RSRP1: variants seen among roughly 807,000 people sequenced by gnomAD.
RSRP1 encodes the protein arginine/serine-rich protein 1.
A neutral mutation model predicts 33.0 loss-of-function variants in RSRP1; 37 were observed. The ratio of observed to expected loss-of-function variants is 1.12; its 90% CI spans 0.86 to 1.48. The LOEUF (loss-of-function observed/expected upper bound fraction) is 1.48, where lower values mean the gene tolerates loss of function less well. Ranked by LOEUF, RSRP1 falls within the 40% of genes most tolerant of loss-of-function variation. RSRP1 has a pLI of 0.00. For missense variants in RSRP1, 402 were observed against 385.3 expected, an observed-to-expected ratio of 1.04 and a Z score of -0.36; for synonymous variants, 167 against 158.7, an observed-to-expected ratio of 1.05 and a Z score of -0.40.
chr1:25,300,678 G>T lies in RSRP1; in HGVS notation c.-67+37300C>A, dbSNP rs1237739857. 1.5e-5 allele frequency among the ~76,000 whole-genome samples: 2 copies of T among 130,916 alleles called. 1 individual carries two copies. The highest frequency in any genetic ancestry group is 3.6e-5 in the Non-Finnish European group (2 of 55,490). 85.9% of individuals were successfully genotyped at this position (130,916 alleles called of 152,430 possible). On this transcript the variant is annotated intron_variant, in intron 1 of 1. Transcript: ENST00000561867. ...TACAAAATTAGCCCAGCGTAGTGGC[G>T]CATGCCTGTAATCCCAGCTACTAGG...
chr1:25,315,741 C>A (rs1187821286), intron 1 of RSRP1, among the ~76,000 whole-genome samples: 1 of 129,954 alleles, frequency 7.7e-6, no homozygotes, highest in African/African-American at 2.7e-5. Context: ...CATGATCTGC[C>A]CGCCTCGGCC....
At position 25,321,961 on chromosome 1, in the gene RSRP1, A is replaced by T. The variant is rs375471538; in HGVS notation, c.-67+16017T>A. ...TATTTTGATGACCAAGTTTTCTGGAAGGTAAGATTTTTCACCTATTAACGT... is the reference window on the plus strand; with the variant it reads ...TATTTTGATGACCAAGTTTTCTGGATGGTAAGATTTTTCACCTATTAACGT... On this transcript the variant is annotated intron_variant, in intron 1 of 1. Coordinates refer to the RSRP1 transcript ENST00000561867. 36 of 1,303,766 alleles carry T rather than the reference A, an allele frequency of 2.8e-5. 11 individuals carry two copies. Among genetic ancestry groups the T allele is most frequent in the Non-Finnish European group, 4.0e-5 (36 of 910,968 alleles). The allele number at this position is 1,303,766 out of a possible 1,614,324, so 80.8% of individuals were successfully genotyped here.
At chr1:25,336,854 G>GTA (rs113379927) in intron 1 of RSRP1, among the ~76,000 whole-genome samples, 11,193 of 151,172 alleles carry the variant, frequency 0.074, 1,413 homozygotes, top group African/African-American at 0.25. Context: ...GCTATAGATT[G>GTA]TCATGCAGTT....
rs1643321912 is a variant in RSRP1, at chr1:25,300,768, C to T, written c.-67+37210G>A. On this transcript the variant is annotated intron_variant, in intron 1 of 1. Transcript: ENST00000561867. ...ATGTTCCAGTGAGCCGAGATCGTGCCATTGCACTCCAGCCTGGGCAGAGCC... is the reference window on the plus strand; with the variant it reads ...ATGTTCCAGTGAGCCGAGATCGTGCTATTGCACTCCAGCCTGGGCAGAGCC... Among the ~76,000 whole-genome samples the T allele has an allele frequency of 1.5e-5, 2 of 131,948 alleles. 1 individual carries two copies. Among genetic ancestry groups the T allele is most frequent in the South Asian group, 4.6e-4 (2 of 4,322 alleles). The allele number at this position is 131,948 out of a possible 152,430, so 86.6% of individuals were successfully genotyped here.
intron 1 of RSRP1, among the ~76,000 whole-genome samples, chr1:25,297,475 C>G (rs1015313811): frequency 8.9e-6 from 1 of 112,986 alleles, no homozygotes; most frequent in African/African-American, 3.0e-5. Context: ...TCCTGTTGAT[C>G]ATCCAACTTT....
At position 25,331,497 on chromosome 1, in the gene RSRP1, G is replaced by A. The variant is rs546262317; in HGVS notation, c.-67+6481C>T. On this transcript the variant is annotated intron_variant, in intron 1 of 1. Transcript: ENST00000561867. Reference sequence around the variant, plus strand: ...GTGATTACTGTCCTTATGCATAAACGTCCTCAGTGTTCCACTGCGTTTATC... The same window carrying A: ...GTGATTACTGTCCTTATGCATAAACATCCTCAGTGTTCCACTGCGTTTATC... 9.2e-5 allele frequency among the ~76,000 whole-genome samples: 12 copies of A among 130,444 alleles called. 4 individuals carry two copies. The highest frequency in any genetic ancestry group is 2.3e-4 in the South Asian group (1 of 4,314). The allele number at this position is 130,444 out of a possible 152,430, so 85.6% of individuals were successfully genotyped here. A position where few individuals can be genotyped will look rare whatever the true frequency, so the allele number is the denominator to read the frequency against.
Position 25,284,154 on chromosome 1 carries a change from C to T in RSRP1, c.-66-37125G>A, listed in dbSNP as rs71652366. 1.0e-4 allele frequency among the ~76,000 whole-genome samples: 14 copies of T among 135,888 alleles called. 1 individual carries two copies. Among genetic ancestry groups the T allele is most frequent in the African/African-American group, 3.5e-4 (14 of 39,460 alleles). 89.1% of individuals were successfully genotyped at this position (135,888 alleles called of 152,430 possible). On this transcript the variant is annotated intron_variant, in intron 1 of 1. Transcript: ENST00000561867. ...ACAAGTCACTTGGCTTCTGTGGCTT[C>T]ATTTTCTCATGTGCCCAGCCAGGGG...
At chr1:25,286,558 G>T (rs1282155137) in intron 1 of RSRP1, among the ~76,000 whole-genome samples, 1 of 134,720 alleles carries the variant, frequency 7.4e-6, no homozygotes, top group African/African-American at 2.6e-5. Flanking sequence ...AGGCCAAGGC[G>T]GGGGGATCAT....
rs1375262875 is a variant in RSRP1 at position 25,305,746 on chromosome 1, G to A, written c.-67+32232C>T. The stretch of plus-strand genomic sequence containing the variant: ...CTCCTGAGTAGCTGGGTCTACAGGC[G>A]CCCACCACCACGCCCAGCTAATTTT... On this transcript the variant is annotated intron_variant, in intron 1 of 1. Transcript: ENST00000561867. Among the ~76,000 whole-genome samples, 11 of 130,136 alleles carry A rather than the reference G, an allele frequency of 8.5e-5. 1 individual carries two copies. The highest frequency in any genetic ancestry group is 4.8e-4 in the South Asian group (2 of 4,206). 85.4% of individuals were successfully genotyped at this position (130,136 alleles called of 152,430 possible).
Position 25,276,863 on chromosome 1 carries a change from G to C in RSRP1, c.-66-29834C>G, listed in dbSNP as rs1265678292. Among the ~76,000 whole-genome samples the C allele has an allele frequency of 3.6e-4, 48 of 132,274 alleles. 11 individuals carry two copies. Among genetic ancestry groups the C allele is most frequent in the Admixed American group, 1.5e-3 (21 of 13,608 alleles). The allele number at this position is 132,274 out of a possible 152,430, so 86.8% of individuals were successfully genotyped here. On this transcript the variant is annotated intron_variant, in intron 1 of 1. Transcript: ENST00000561867. ...AGGCAGATCACGAGGTCTGGAGATG[G>C]AGACCATCCTGGCTAACACGATGAA...
At chr1:25,305,043 C>A (rs28410423) in intron 1 of RSRP1, among the ~76,000 whole-genome samples, 2 of 132,170 alleles carry the variant, frequency 1.5e-5, no homozygotes, top group African/African-American at 5.2e-5. Flanking sequence ...GTTTAGTGAG[C>A]GAAATGGATA....
chr1:25,288,882 G>A (rs1428184405), intron 1 of RSRP1, among the ~76,000 whole-genome samples: 1 of 131,354 alleles, frequency 7.6e-6, no homozygotes, highest in African/African-American at 2.6e-5. Context: ...AACCTGTCCA[G>A]GCACGATGGA....
chr1:25,244,719 C>G, intron 3 of RSRP1: 1 of 1,176,750 alleles, frequency 8.5e-7, no homozygotes, highest in Non-Finnish European at 1.1e-6. Flanking sequence ...GGGTCTCGCT[C>G]TGCTGCCCAG....
chr1:25,243,687 A>G, intron 3 of RSRP1, 54 bp from the exon 4 acceptor site: 1 of 1,595,996 alleles, frequency 6.3e-7, no homozygotes, highest in Non-Finnish European at 8.5e-7. Flanking sequence ...TGGTTTCTAA[A>G]TCCTATATTA....
intron 1 of RSRP1, among the ~76,000 whole-genome samples, chr1:25,287,888 A>T (rs1642179763): frequency 7.9e-6 from 1 of 125,944 alleles, no homozygotes; most frequent in Non-Finnish European, 1.9e-5. Flanking sequence ...ATGCCCTGCT[A>T]ATTTTTGTAT....
At position 25,276,954 on chromosome 1, in the gene RSRP1, C is replaced by G. The variant is rs1376625396; in HGVS notation, c.-66-29925G>C. On this transcript the variant is annotated intron_variant, in intron 1 of 1. Transcript: ENST00000561867. Reference sequence around the variant, plus strand: ...TGGTGGCGGGTGCCTGTAGTCCCAGCTACTTGGGAGGCTGAGGCAGGAGAA... The same window carrying G: ...TGGTGGCGGGTGCCTGTAGTCCCAGGTACTTGGGAGGCTGAGGCAGGAGAA... Among the ~76,000 whole-genome samples the G allele has an allele frequency of 3.8e-5, 5 of 130,886 alleles. 2 individuals carry two copies. Among genetic ancestry groups the G allele is most frequent in the Non-Finnish European group, 7.2e-5 (4 of 55,368 alleles). The allele number at this position is 130,886 out of a possible 152,430, so 85.9% of individuals were successfully genotyped here.
upstream of RSRP1, among the ~76,000 whole-genome samples, chr1:25,249,752 T>C (rs886174521): frequency 1.3e-5 from 2 of 152,242 alleles, no homozygotes; most frequent in African/African-American, 4.8e-5. Context: ...TGAGTTAAAG[T>C]CTGCAAAGTC....
At position 25,301,174 on chromosome 1, in the gene RSRP1, C is replaced by T. The variant is rs1643360015; in HGVS notation, c.-67+36804G>A. 6.5e-6 allele frequency: 8 copies of T among 1,222,082 alleles called. No homozygotes were observed. In the South Asian group the frequency reaches 9.8e-5, roughly 15 times the overall value. The allele number at this position is 1,222,082 out of a possible 1,614,324, so 75.7% of individuals were successfully genotyped here. A position where few individuals can be genotyped will look rare whatever the true frequency, so the allele number is the denominator to read the frequency against. On this transcript the variant is annotated intron_variant, in intron 1 of 1. Transcript: ENST00000561867. ...AAAAGGCTCTGGCTGAAAAAATCTC[C>T]CTCCTTTACCAAGTTCCCCTGGGTG... is the stretch of plus-strand genomic sequence containing the variant.
In RSRP1 at chr1:25,311,097, C is replaced by T. The variant is rs1190581186; in HGVS notation, c.-67+26881G>A. ...GGAACTTCTTAATGGTTACTGAAGT[C>T]GTTGAGATCAGAGTGCTGATAGAAA... is the stretch of plus-strand genomic sequence containing the variant. On this transcript the variant is annotated intron_variant, in intron 1 of 1. Transcript: ENST00000561867. Among the ~76,000 whole-genome samples, 9 of 132,494 alleles carry T rather than the reference C, an allele frequency of 6.8e-5. 2 individuals carry two copies. The highest frequency in any genetic ancestry group is 1.8e-4 in the African/African-American group (7 of 38,984). The allele number at this position is 132,494 out of a possible 152,430, so 86.9% of individuals were successfully genotyped here.
Sources: allele counts gnomAD v4.1 joint callset (sites outside exome capture counted in the v4.1 genomes callset), GRCh38; gene constraint gnomAD v4.1.1; transcripts MANE v1.5; gene names NCBI Gene and HGNC (gene_info 2026-07-23, HGNC 2026-07-21).